ZBTB32: variants seen among roughly 807,000 people sequenced by gnomAD.
The protein encoded by ZBTB32 is zinc finger and BTB domain containing 32.
ZBTB32 carries 28 observed loss-of-function variants against 45.3 expected under a neutral mutation model. That is an observed-to-expected ratio of 0.62 (90% CI 0.46 to 0.85). The LOEUF (loss-of-function observed/expected upper bound fraction) is 0.85, where lower values mean the gene tolerates loss of function less well. Among genes scored for constraint, ZBTB32 ranks in the 40% least tolerant of loss-of-function variants. The pLI is 0.00. For missense variants in ZBTB32, 587 were observed against 624.4 expected (o/e 0.94, Z 0.64); for synonymous variants, 283 against 255.7 (o/e 1.11, Z -1.02).
In ZBTB32 at chr19:35,704,565, C is replaced by T. The variant is rs375920220; in HGVS notation, c.-280C>T. On this transcript the variant is annotated 5_prime_UTR_variant, in exon 1 of 7. Coordinates refer to ENST00000392197, the MANE Select transcript of ZBTB32 (RefSeq NM_014383.3). ...TCCCCACTTTTAACGGTCACTCGGC[C>T]TTAAGCCGTCCTGGGTGTATGTGAG... is the stretch of plus-strand genomic sequence containing the variant. The T allele has an allele frequency of 1.3e-5, 2 of 152,338 alleles. No homozygotes were observed. Among genetic ancestry groups the T allele is most frequent in the East Asian group, 1.9e-4 (1 of 5,194 alleles). 9.4% of individuals were successfully genotyped at this position (152,338 alleles called of 1,614,324 possible).
rs1023362008 is a variant in ZBTB32, at chr19:35,716,702, C to G, written c.1414C>G (p.Pro472Ala). The change falls in exon 7 of 7, where the codon CCG becomes GCG. Residue 472 changes from proline to alanine, a missense_variant. Transcript: ENST00000392197. ...CACCTTCCTCTACTCCTCCTCGAGGCCGTCTCGGCCCTCGACCTCTCCCTG... is the reference window on the plus strand; with the variant it reads ...CACCTTCCTCTACTCCTCCTCGAGGGCGTCTCGGCCCTCGACCTCTCCCTG... The part of the protein sequence containing the change: ...RSTFLYSSSR[P>A]SRPSTSPCCP... 6.2e-7 allele frequency: 1 copy of G among 1,613,866 alleles called. No individual in the cohort carries two copies. The highest frequency in any genetic ancestry group is 1.3e-5 in the African/African-American group (1 of 74,954).
chr19:35,707,501 C>T (rs1968576605), intron 1 of ZBTB32, among the ~76,000 whole-genome samples: 1 of 151,614 alleles, frequency 6.6e-6, no homozygotes, highest in African/African-American at 2.4e-5. Flanking sequence ...TCCCAAGTAG[C>T]TGGGATTACA....
chr19:35,710,831 A>C (rs543726998), intron 1 of ZBTB32, among the ~76,000 whole-genome samples: 1 of 152,344 alleles, frequency 6.6e-6, no homozygotes, highest in Non-Finnish European at 1.5e-5. Flanking sequence ...ATCTGTGCTC[A>C]GTGCAGGATG....
intron 4 of ZBTB32, 35 bp downstream of exon 4, chr19:35,715,865 A>G (rs1974784935): frequency 6.2e-7 from 1 of 1,611,200 alleles, no homozygotes; most frequent in Admixed American, 1.7e-5. Flanking sequence ...CACCTGTAAC[A>G]TGGTGTCTTC....
At chr19:35,705,566 G>A (rs1378243623) in intron 1 of ZBTB32, among the ~76,000 whole-genome samples, 1 of 152,104 alleles carries the variant, frequency 6.6e-6, no homozygotes, top group African/African-American at 2.4e-5. Context: ...AATCCCAGCC[G>A]AGCTGTTTGC....
chr19:35,708,115 C>G (rs1170150689), intron 1 of ZBTB32, among the ~76,000 whole-genome samples: 1 of 152,048 alleles, frequency 6.6e-6, no homozygotes, highest in Non-Finnish European at 1.5e-5. Flanking sequence ...GAGACTCCCT[C>G]GTCTCTTCCC....
chr19:35,715,473 A>G lies in ZBTB32; in HGVS notation c.847A>G (p.Thr283Ala), dbSNP rs1249045603. The G allele has an allele frequency of 6.4e-7, 1 of 1,558,542 alleles. No homozygotes were observed. Among genetic ancestry groups the G allele is most frequent in the Non-Finnish European group, 8.7e-7 (1 of 1,153,838 alleles). Residue 283 changes from threonine (T) to alanine (A), a missense_variant, in exon 3 of 7, where the codon ACT becomes GCT. By Grantham distance (58) the Thr-to-Ala change is moderately conservative. Transcript: ENST00000392197. ...TCCCTTCTACCATAGCACCCCCACC[A>G]CTGGAGCCTGGCAGGAGGTCTGGCG... ...GIPFYHSTPT[T>A]GAWQEVWREQ...
chr19:35,709,119 G>A (rs116352893), intron 1 of ZBTB32, among the ~76,000 whole-genome samples: 4,074 of 152,008 alleles, frequency 0.027, 170 homozygotes, highest in African/African-American at 0.088. Flanking sequence ...TGCGCCTGGC[G>A]AAAGAGTAAA....
intron 3 of ZBTB32, 93 bp downstream of exon 3, chr19:35,715,600 C>T (rs1224686198): frequency 2.0e-5 from 30 of 1,488,714 alleles, no homozygotes; most frequent in Non-Finnish European, 2.7e-5. Flanking sequence ...TGCATCTCTA[C>T]TGCACAGTTC....
Position 35,715,105 on chromosome 19 carries a change from G to C in ZBTB32, c.479G>C (p.Arg160Thr), listed in dbSNP as rs1321100845. 1 of 1,614,118 alleles carries C rather than the reference G, an allele frequency of 6.2e-7. No individual in the cohort carries two copies. The highest frequency in any genetic ancestry group is 1.3e-5 in the African/African-American group (1 of 75,052). ...GAACAGGTTTCTAGAACTGGTGGGAGAGAACAGGAGATGTTGCACAAGCAC... is the reference window on the plus strand; with the variant it reads ...GAACAGGTTTCTAGAACTGGTGGGACAGAACAGGAGATGTTGCACAAGCAC... ...KPEQVSRTGG[R>T]EQEMLHKHSP... The change falls in exon 3 of 7, where the codon AGA (arginine) becomes ACA (threonine). Residue 160 changes from arginine (R) to threonine (T), a missense_variant. Coordinates refer to ENST00000392197, the MANE Select transcript of ZBTB32 (RefSeq NM_014383.3).
rs1968937892 is a variant in ZBTB32 at position 35,716,986 on chromosome 19, G to C, written c.*234G>C. 1 of 574,030 alleles carries C rather than the reference G, an allele frequency of 1.7e-6. No homozygotes were observed. The highest frequency in any genetic ancestry group is 1.9e-5 in the African/African-American group (1 of 53,644). 35.6% of individuals were successfully genotyped at this position (574,030 alleles called of 1,614,324 possible). The stretch of plus-strand genomic sequence containing the variant: ...TGCAGGAGCGAAGGTTAACAGTAGG[G>C]GAGATTGTCGATCTCATCACCATAA... On this transcript the variant is annotated 3_prime_UTR_variant, in exon 7 of 7. Transcript: ENST00000392197.
intron 1 of ZBTB32, among the ~76,000 whole-genome samples, chr19:35,710,141 C>T (rs544670061): frequency 1.3e-3 from 204 of 151,674 alleles, no homozygotes; most frequent in African/African-American, 4.8e-3. Flanking sequence ...AACCGGGAGG[C>T]GGAGGTTGCA....
intron 1 of ZBTB32, among the ~76,000 whole-genome samples, chr19:35,705,799 T>C (rs1268702715): frequency 6.6e-6 from 1 of 151,270 alleles, no homozygotes; most frequent in Non-Finnish European, 1.5e-5. Context: ...TAATCCCAGC[T>C]ACTCAGGAGT....
At chr19:35,706,249 A>AAAAAAAAAAAGG (rs1599645080) in intron 1 of ZBTB32, among the ~76,000 whole-genome samples, 2 of 149,644 alleles carry the variant, frequency 1.3e-5, no homozygotes, top group East Asian at 4.0e-4. Flanking sequence ...AAAAAACTGG[A>AAAAAAAAAAAGG]ATTGGGTCAT....
intron 1 of ZBTB32, among the ~76,000 whole-genome samples, chr19:35,709,199 C>T (rs774138832): frequency 2.5e-4 from 38 of 152,122 alleles, no homozygotes; most frequent in Non-Finnish European, 4.1e-4. Flanking sequence ...GGGAATTTAA[C>T]CACCTTCATT....
chr19:35,712,913 G>A lies in ZBTB32; in HGVS notation c.-221-4G>A, dbSNP rs1333723798. ...AAATGTTTCAATCCTTTTTACTTCT[G>A]CAGCTGTGTGCTCTGCCGTCATCTC... On this transcript the variant is annotated splice_polypyrimidine_tract_variant and splice_region_variant and intron_variant, in intron 1 of 6. Transcript: ENST00000392197. 2 of 152,184 alleles carry A rather than the reference G, an allele frequency of 1.3e-5. No individual in the cohort carries two copies. Among genetic ancestry groups the A allele is most frequent in the African/African-American group, 2.4e-5 (1 of 41,428 alleles). The allele number at this position is 152,184 out of a possible 1,614,324, so 9.4% of individuals were successfully genotyped here.
At chr19:35,707,018 T>C (rs954857908) in intron 1 of ZBTB32, among the ~76,000 whole-genome samples, 1 of 151,830 alleles carries the variant, frequency 6.6e-6, no homozygotes, top group African/African-American at 2.4e-5. Flanking sequence ...GCACATGAAG[T>C]GTGCAGTTAA....
At position 35,716,008 on chromosome 19, in the gene ZBTB32, G is replaced by A; in HGVS notation, c.1024+1G>A. ...GAAGAGTCTGATCAGGGGCACACAGGTGAGTCGGGCGGGGGCACTCGTGCC... is the reference window on the plus strand; with the variant it reads ...GAAGAGTCTGATCAGGGGCACACAGATGAGTCGGGCGGGGGCACTCGTGCC... On this transcript the variant is annotated splice_donor_variant, in intron 5 of 6. Coordinates refer to ENST00000392197, the MANE Select transcript of ZBTB32 (RefSeq NM_014383.3). LOFTEE classifies it high-confidence loss of function. 1.9e-6 allele frequency: 3 copies of A among 1,612,016 alleles called. No homozygotes were observed. The highest frequency in any genetic ancestry group is 2.5e-6 in the Non-Finnish European group (3 of 1,179,942).
chr19:35,705,720 G>A (rs1968521830), intron 1 of ZBTB32, among the ~76,000 whole-genome samples: 1 of 151,670 alleles, frequency 6.6e-6, no homozygotes, highest in African/African-American at 2.4e-5. Flanking sequence ...AGACCAGCCT[G>A]ACCAACATGG....
Sources: allele counts gnomAD v4.1 joint callset (sites outside exome capture counted in the v4.1 genomes callset), GRCh38; gene constraint gnomAD v4.1.1; transcripts MANE v1.5; gene names NCBI Gene and HGNC (gene_info 2026-07-23, HGNC 2026-07-21).